SLAIN2: variants seen among roughly 807,000 people sequenced by gnomAD.
SLAIN2 encodes the protein SLAIN family member 2, also known as SLAIN motif-containing protein 2.
SLAIN2 carries 31 observed loss-of-function variants against 56.6 expected under a neutral mutation model. The observed-to-expected ratio is 0.55, with a 90% CI of 0.41 to 0.74. The LOEUF (loss-of-function observed/expected upper bound fraction) is 0.74. Among genes scored for constraint, SLAIN2 ranks in the 30% least tolerant of loss-of-function variants. The pLI is 0.00. For synonymous variants in SLAIN2, 317 were observed against 284.9 expected, an observed-to-expected ratio of 1.11 and a Z score of -1.13; for missense variants, 777 against 754.2, an observed-to-expected ratio of 1.03 and a Z score of -0.35.
chr4:48,363,498 C>T (rs1291951775), intron 1 of SLAIN2, among the ~76,000 whole-genome samples: 5 of 63,414 alleles, frequency 7.9e-5, no homozygotes, highest in East Asian at 4.7e-4. Context: ...AGGGGCTCCT[C>T]ACTTCCCAGT....
intron 1 of SLAIN2, among the ~76,000 whole-genome samples, chr4:48,355,633 T>C (rs770426115): frequency 6.6e-6 from 1 of 152,174 alleles, no homozygotes; most frequent in Non-Finnish European, 1.5e-5. Flanking sequence ...ACTTTAGTTG[T>C]ATAAACAGAA....
At chr4:48,363,686 G>T (rs1715405661) in intron 1 of SLAIN2, among the ~76,000 whole-genome samples, 2 of 117,122 alleles carry the variant, frequency 1.7e-5, no homozygotes, top group African/African-American at 6.3e-5. Context: ...CTTCCCAGTA[G>T]GGGCGGCCGG....
rs542241198 is a variant in SLAIN2, at chr4:48,374,635, T to G, written c.539-3261T>G. Among the ~76,000 whole-genome samples the G allele has an allele frequency of 2.6e-5, 4 of 152,294 alleles. No individual in the cohort carries two copies. In the South Asian group the frequency reaches 6.2e-4, roughly 24 times the overall value. On this transcript the variant is annotated intron_variant, in intron 2 of 7. Coordinates refer to ENST00000264313, the MANE Select transcript of SLAIN2 (RefSeq NM_020846.2). ...GTGGACAGGAAGGACGTCATCAATT[T>G]TATTTTGGAAAGGTTATTCTAGTAG...
At chr4:48,403,842 C>T (rs1716620617) in intron 6 of SLAIN2, among the ~76,000 whole-genome samples, 1 of 152,176 alleles carries the variant, frequency 6.6e-6, no homozygotes, top group Non-Finnish European at 1.5e-5. Context: ...AGTGGCCATT[C>T]TGCGGAGACG....
intron 6 of SLAIN2, among the ~76,000 whole-genome samples, chr4:48,396,065 G>A (rs1311042123): frequency 2.0e-5 from 3 of 152,084 alleles, no homozygotes; most frequent in Admixed American, 1.3e-4. Context: ...AAGATTTCAT[G>A]TTGCTGTGTT....
intron 6 of SLAIN2, among the ~76,000 whole-genome samples, chr4:48,397,206 A>AT (rs2109774028): frequency 6.6e-6 from 1 of 152,338 alleles, no homozygotes; most frequent in Non-Finnish European, 1.5e-5. Flanking sequence ...AGATAACAGG[A>AT]TATTAATTCC....
intron 1 of SLAIN2, among the ~76,000 whole-genome samples, chr4:48,352,945 C>T (rs149423598): frequency 5.8e-4 from 89 of 152,212 alleles, no homozygotes; most frequent in African/African-American, 2.0e-3. Flanking sequence ...AGTTAACTCT[C>T]GCAAGATCTG....
chr4:48,363,834 C>T (rs1338929661), intron 1 of SLAIN2, among the ~76,000 whole-genome samples: 1 of 138,838 alleles, frequency 7.2e-6, no homozygotes, highest in African/African-American at 2.7e-5. Flanking sequence ...GGGTGGCTGG[C>T]CGGGCTGAGG....
Position 48,377,973 on chromosome 4 carries a change from A to G in SLAIN2, c.616A>G (p.Ser206Gly), listed in dbSNP as rs780106474. Reference protein sequence around the residue: ...YTSPYSPNASSPYSSGFNSPS... With the variant: ...YTSPYSPNASGPYSSGFNSPS... ...CAGTCCTTACAGTCCAAATGCCAGTAGCCCATACAGCAGTGGCTTCAATTC... is the reference window on the plus strand; with the variant it reads ...CAGTCCTTACAGTCCAAATGCCAGTGGCCCATACAGCAGTGGCTTCAATTC... The change falls in exon 3 of 8, where the codon AGC becomes GGC. Residue 206 changes from serine (S) to glycine (G), a missense_variant. Physicochemically the swap from Ser to Gly is moderately conservative, Grantham distance 56. Transcript: ENST00000264313. The G allele has an allele frequency of 4.3e-6, 7 of 1,613,858 alleles. No individual in the cohort carries two copies. The highest frequency in any genetic ancestry group is 5.9e-6 in the Non-Finnish European group (7 of 1,179,870).
intron 1 of SLAIN2, among the ~76,000 whole-genome samples, chr4:48,362,816 T>G (rs1474255402): frequency 8.8e-6 from 1 of 113,212 alleles, no homozygotes; most frequent in South Asian, 3.4e-4. Flanking sequence ...CAGAGGGGGA[T>G]TTGGCAGGGT....
intron 1 of SLAIN2, among the ~76,000 whole-genome samples, chr4:48,352,115 C>CTTTT (rs376775260): frequency 1.3e-5 from 2 of 151,864 alleles, no homozygotes; most frequent in South Asian, 4.2e-4. Context: ...TATTGGAATG[C>CTTTT]TTTTAACAAA....
chr4:48,382,454 T>G (rs1414639188), intron 4 of SLAIN2, 114 bp from the exon 5 acceptor site: 2 of 1,132,974 alleles, frequency 1.8e-6, no homozygotes. Flanking sequence ...GGGAGTTTTC[T>G]TTTACACTTT....
At chr4:48,382,517 A>G in intron 4 of SLAIN2, 51 bp from the exon 5 acceptor site, 1 of 1,394,968 alleles carries the variant, frequency 7.2e-7, no homozygotes, top group Non-Finnish European at 9.4e-7. Flanking sequence ...TTTTAAAATT[A>G]TTTAAATGTT....
intron 6 of SLAIN2, among the ~76,000 whole-genome samples, chr4:48,388,287 C>T (rs1426144933): frequency 6.6e-6 from 1 of 152,090 alleles, no homozygotes; most frequent in African/African-American, 2.4e-5. Flanking sequence ...GTCATGGATA[C>T]ATGTCAATTT....
At chr4:48,364,835 C>G (rs1166116627) in intron 1 of SLAIN2, among the ~76,000 whole-genome samples, 2 of 122,894 alleles carry the variant, frequency 1.6e-5, no homozygotes, top group African/African-American at 3.1e-5. Context: ...GCTTCGGCTC[C>G]GCATGAGAGG....
At chr4:48,391,626 C>T (rs1716238006) in intron 6 of SLAIN2, among the ~76,000 whole-genome samples, 1 of 152,150 alleles carries the variant, frequency 6.6e-6, no homozygotes, top group Non-Finnish European at 1.5e-5. Context: ...CACCACCCTT[C>T]CCTTGATGTA....
chr4:48,388,695 G>T (rs1382881676), intron 6 of SLAIN2, among the ~76,000 whole-genome samples: 1 of 152,142 alleles, frequency 6.6e-6, no homozygotes, highest in African/African-American at 2.4e-5. Context: ...CTTCCTCATT[G>T]TTTGGATGAG....
In SLAIN2 at chr4:48,344,624, A is replaced by C. The variant is rs1714815643; in HGVS notation, c.389+2496A>C. On this transcript the variant is annotated intron_variant, in intron 1 of 7. Coordinates refer to ENST00000264313, the MANE Select transcript of SLAIN2 (RefSeq NM_020846.2). ...GGAGTATGGTTTGGTCCTAAACTTA[A>C]TTGAGCTCCCAAGGAACTAGTATCT... 2.0e-5 allele frequency among the ~76,000 whole-genome samples: 3 copies of C among 152,096 alleles called. No homozygotes were observed. In the South Asian group the frequency reaches 6.2e-4, roughly 32 times the overall value.
chr4:48,371,783 A>C (rs1715669894), intron 2 of SLAIN2, among the ~76,000 whole-genome samples: 1 of 151,906 alleles, frequency 6.6e-6, no homozygotes, highest in Non-Finnish European at 1.5e-5. Flanking sequence ...CTCTACAAAA[A>C]ATAAAAAAAT....
Sources: gnomAD v4.1 joint callset for allele counts (sites outside exome capture counted in the v4.1 genomes callset) on GRCh38, gnomAD v4.1.1 for gene constraint, MANE v1.5 for transcripts, NCBI Gene and HGNC (gene_info 2026-07-23, HGNC 2026-07-21) for gene names.